USP24: variants seen among roughly 807,000 people sequenced by gnomAD.
USP24 encodes the protein ubiquitin carboxyl-terminal hydrolase 24.
A neutral mutation model predicts 361.6 loss-of-function variants in USP24; 97 were observed. The observed-to-expected ratio is 0.27, with a 90% confidence interval of 0.23 to 0.32. USP24 has a LOEUF of 0.32. Ranked by LOEUF, USP24 falls within the 10% of genes least tolerant of loss-of-function variation. The pLI is 1.00. For synonymous variants in USP24, 1,098 were observed against 1,124.6 expected (o/e 0.98, Z 0.47); for missense variants, 2,353 against 3,165.6 (o/e 0.74, Z 6.16).
At chr1:55,155,469 A>C (rs1334326974) in intron 12 of USP24, among the ~76,000 whole-genome samples, 3 of 152,206 alleles carry the variant, frequency 2.0e-5, no homozygotes, top group Non-Finnish European at 2.9e-5. Flanking sequence ...ACAATATATA[A>C]ATCATGGTCT....
At chr1:55,130,022 T>C (rs1342233483) in intron 31 of USP24, among the ~76,000 whole-genome samples, 1 of 152,220 alleles carries the variant, frequency 6.6e-6, no homozygotes, top group Non-Finnish European at 1.5e-5. Flanking sequence ...TATTTTACTT[T>C]ATAGGTGAGG....
intron 1 of USP24, among the ~76,000 whole-genome samples, chr1:55,205,798 T>C (rs974103787): frequency 3.3e-5 from 5 of 152,232 alleles, no homozygotes; most frequent in African/African-American, 1.2e-4. Context: ...CACGGAAAAA[T>C]AGGGAGAGTA....
At chr1:55,148,414 T>C in intron 17 of USP24, 49 bp downstream of exon 17, 1 of 1,404,754 alleles carries the variant, frequency 7.1e-7, no homozygotes, top group Non-Finnish European at 9.7e-7. Context: ...TTTGTTATTG[T>C]AAAAGTTATG....
Position 55,083,858 on chromosome 1 carries a change from G to A in USP24, c.6796C>T (p.Leu2266=), listed in dbSNP as rs1412487533. 3.5e-5 allele frequency: 56 copies of A among 1,602,246 alleles called. No homozygotes were observed. The highest frequency in any genetic ancestry group is 4.6e-5 in the Non-Finnish European group (54 of 1,174,106). Reference sequence around the variant, plus strand: ...ACGTCTTTGTCCAACAGAGCAAGTAGTACCTCCAGTAACTGATGAAGGCTT... The same window carrying A: ...ACGTCTTTGTCCAACAGAGCAAGTAATACCTCCAGTAACTGATGAAGGCTT... ...LKSLHQLLEV[L]LALLDKDVPE... The change falls in exon 57 of 68, where the codon CTA becomes TTA. Residue 2266 remains leucine, a synonymous_variant. Transcript: ENST00000294383.
At chr1:55,093,524 CA>C in intron 52 of USP24, 1 of 165,634 alleles carries the variant, frequency 6.0e-6, no homozygotes, top group Non-Finnish European at 1.3e-5. Context: ...ACGTAGCACA[CA>C]GTAGGTGTTC....
chr1:55,091,187 C>T (rs997171835), intron 54 of USP24, among the ~76,000 whole-genome samples: 1 of 125,722 alleles, frequency 8.0e-6, no homozygotes, highest in African/African-American at 2.5e-5. Flanking sequence ...GGACCAGTAC[C>T]GGCCTGGGAC....
chr1:55,086,360 A>G (rs1397586966), intron 55 of USP24: 2 of 335,868 alleles, frequency 6.0e-6, no homozygotes, highest in Non-Finnish European at 1.1e-5. Context: ...ATTCTCTTGA[A>G]GGGAATACCT....
chr1:55,204,042 C>G (rs747762457), intron 1 of USP24, among the ~76,000 whole-genome samples: 5 of 152,062 alleles, frequency 3.3e-5, no homozygotes, highest in Admixed American at 2.0e-4. Context: ...AAAGAAAAAC[C>G]ATTAACATTT....
intron 1 of USP24, among the ~76,000 whole-genome samples, chr1:55,183,908 A>G (rs1039854243): frequency 1.3e-5 from 2 of 152,216 alleles, no homozygotes; most frequent in African/African-American, 4.8e-5. Context: ...TAAAAAGGTC[A>G]ATACAACAGG....
intron 31 of USP24, among the ~76,000 whole-genome samples, chr1:55,130,493 C>G (rs1265040355): frequency 2.0e-5 from 3 of 152,138 alleles, no homozygotes; most frequent in African/African-American, 7.2e-5. Context: ...AGATGTAGTT[C>G]AAGATCATTT....
intron 32 of USP24, among the ~76,000 whole-genome samples, chr1:55,128,713 C>CTTTTTT (rs869191004): frequency 1.6e-5 from 2 of 124,872 alleles, no homozygotes; most frequent in Admixed American, 7.9e-5. Flanking sequence ...GCTTTAATAC[C>CTTTTTT]TTTTTTTTTT....
chr1:55,097,691 A>C lies in USP24; in HGVS notation c.5622T>G (p.Ile1874Met). The stretch of plus-strand genomic sequence containing the variant: ...TTACCAAGACGCTAGGTAAAGATTT[A>C]ATACAGGTCCTTTTCACTGTTATTC... The part of the protein sequence containing the change: ...EKRITVKRTC[I>M]KSLPSVLVIH... The change falls in exon 48 of 68, where the codon ATT becomes ATG. Residue 1874 changes from isoleucine (I) to methionine (M), a missense_variant. Transcript: ENST00000294383. The C allele has an allele frequency of 6.3e-7, 1 of 1,576,518 alleles. No individual in the cohort carries two copies. The highest frequency in any genetic ancestry group is 8.6e-7 in the Non-Finnish European group (1 of 1,161,414).
intron 61 of USP24, among the ~76,000 whole-genome samples, chr1:55,078,313 T>G (rs1048201235): frequency 6.6e-6 from 1 of 152,222 alleles, no homozygotes; most frequent in Non-Finnish European, 1.5e-5. Context: ...TTTTTTCTTT[T>G]GGCCTCATTT....
At position 55,199,614 on chromosome 1, in the gene USP24, T is replaced by TGAGAGAGAGA. The variant is rs1398156773; in HGVS notation, c.324+15175_324+15176insTCTCTCTCTC. Among the ~76,000 whole-genome samples, 85 of 140,682 alleles carry TGAGAGAGAGA rather than the reference T, an allele frequency of 6.0e-4. 3 individuals carry two copies. In the South Asian group the frequency reaches 0.017, roughly 29 times the overall value. The allele number at this position is 140,682 out of a possible 152,430, so 92.3% of individuals were successfully genotyped here. ...GTGTGTGTGTGTGTGTGTGTGTGTG[T>TGAGAGAGAGA]GTGTGTGTGAGAGAGAGAGAGACAG... On this transcript the variant is annotated intron_variant, in intron 1 of 67. Transcript: ENST00000294383.
chr1:55,147,945 A>G (rs552825740), intron 17 of USP24, 147 bp from the exon 18 acceptor site: 271 of 768,774 alleles, frequency 3.5e-4, no homozygotes, highest in Non-Finnish European at 5.0e-4. Context: ...ACACAAAAGT[A>G]AATAAAATCA....
chr1:55,094,593 A>C (rs551297026), intron 51 of USP24, among the ~76,000 whole-genome samples: 1 of 152,210 alleles, frequency 6.6e-6, no homozygotes, highest in Non-Finnish European at 1.5e-5. Flanking sequence ...TTAAAAGGCA[A>C]ATTCACTGAC....
At chr1:55,162,482 A>G (rs1648393336) in intron 7 of USP24, among the ~76,000 whole-genome samples, 1 of 152,214 alleles carries the variant, frequency 6.6e-6, no homozygotes. Context: ...AATTTAAATC[A>G]GAATATGTCA....
chr1:55,075,335 G>A, intron 63 of USP24, 122 bp downstream of exon 63: 1 of 930,610 alleles, frequency 1.1e-6, no homozygotes, highest in East Asian at 3.0e-5. Context: ...GCCCTGACCA[G>A]ACTTCTACTG....
intron 1 of USP24, among the ~76,000 whole-genome samples, chr1:55,213,951 C>T (rs1162950762): frequency 3.9e-5 from 6 of 152,012 alleles, no homozygotes; most frequent in Non-Finnish European, 7.4e-5. Flanking sequence ...ATCTCTTTCC[C>T]CGGTCTAATT....
Sources: gnomAD v4.1 joint callset for allele counts (sites outside exome capture counted in the v4.1 genomes callset) on GRCh38, gnomAD v4.1.1 for gene constraint, MANE v1.5 for transcripts, NCBI Gene and HGNC (gene_info 2026-07-23, HGNC 2026-07-21) for gene names.